TTLL11: variants seen among roughly 807,000 people sequenced by gnomAD.
TTLL11 encodes tubulin polyglutamylase TTLL11.
Under a neutral mutation model 51.7 loss-of-function variants are expected in TTLL11, and 42 were observed. The observed-to-expected ratio is 0.81, with a 90% CI of 0.64 to 1.05. The LOEUF (loss-of-function observed/expected upper bound fraction) is 1.05. TTLL11 is among the 50% of genes least tolerant of loss of function. The pLI, the probability that TTLL11 is intolerant of heterozygous loss-of-function variation, is 0.00. For synonymous variants in TTLL11, 381 were observed against 383.5 expected (o/e 0.99, Z 0.08); for missense variants, 799 against 940.4 (o/e 0.85, Z 1.97).
In TTLL11 at chr9:121,974,077, T is replaced by C; in HGVS notation, c.1413A>G (p.Glu471=). The C allele has an allele frequency of 2.6e-6, 4 of 1,551,760 alleles. No individual in the cohort carries two copies. Among genetic ancestry groups the C allele is most frequent in the Non-Finnish European group, 3.5e-6 (4 of 1,146,988 alleles). The part of the protein sequence containing the change: ...FENVPSLVDE[E]VKVAVIRDTL... ...TGTCTCTGATCACAGCCACTTTCAC[T>C]TCTTCATCAACGAGGCTGGGGACAT... is the stretch of plus-strand genomic sequence containing the variant. The change falls in exon 6 of 9, where the codon GAA becomes GAG. Residue 471 remains glutamate (E), a synonymous_variant. Transcript: ENST00000321582.
chr9:121,869,191 A>G (rs762380791), intron 7 of TTLL11, among the ~76,000 whole-genome samples: 1 of 152,140 alleles, frequency 6.6e-6, no homozygotes, highest in Non-Finnish European at 1.5e-5. Context: ...CAAAATTACT[A>G]CTTCAGGTGT....
intron 8 of TTLL11, among the ~76,000 whole-genome samples, chr9:121,829,816 A>ACACAC (rs1564262504): frequency 2.2e-4 from 33 of 148,338 alleles, no homozygotes; most frequent in African/African-American, 8.3e-4. Flanking sequence ...CACACACACC[A>ACACAC]CACACACACA....
intron 1 of TTLL11, among the ~76,000 whole-genome samples, chr9:122,066,570 C>G (rs537933401): frequency 5.3e-5 from 8 of 152,162 alleles, no homozygotes; most frequent in Non-Finnish European, 1.0e-4. Flanking sequence ...TGCTAAAAAC[C>G]AAGTTTGGGG....
intron 6 of TTLL11, among the ~76,000 whole-genome samples, chr9:121,930,132 T>C (rs1840909759): frequency 6.6e-6 from 1 of 152,244 alleles, no homozygotes; most frequent in Non-Finnish European, 1.5e-5. Flanking sequence ...TTCCACCATC[T>C]GAGGAAACTG....
At chr9:122,024,122 T>C (rs1013788301) in intron 3 of TTLL11, among the ~76,000 whole-genome samples, 7 of 152,030 alleles carry the variant, frequency 4.6e-5, no homozygotes, top group South Asian at 2.1e-4. Flanking sequence ...ACAAGATCAA[T>C]ACACAAAAAG....
At chr9:122,000,923 C>G in intron 3 of TTLL11, among the ~76,000 whole-genome samples, 1 of 152,208 alleles carries the variant, frequency 6.6e-6, no homozygotes. Context: ...TAATACATAA[C>G]AGTAACAACT....
chr9:122,025,575 G>T (rs1844307030), intron 3 of TTLL11, among the ~76,000 whole-genome samples: 1 of 152,086 alleles, frequency 6.6e-6, no homozygotes, highest in Non-Finnish European at 1.5e-5. Context: ...AGCTGTGATC[G>T]GGCCACTGCA....
In TTLL11 at chr9:121,826,043, A is replaced by T. The variant is rs553049234; in HGVS notation, c.1841-3164T>A. ...GATGATGGAGGGGGAGATGCTTTTA[A>T]TTATGAACCCCTTACTACTATTTGA... On this transcript the variant is annotated intron_variant, in intron 8 of 8. Coordinates refer to ENST00000321582, the MANE Select transcript of TTLL11 (RefSeq NM_001139442.2). Among the ~76,000 whole-genome samples, 3 of 150,762 alleles carry T rather than the reference A, an allele frequency of 2.0e-5. No individual in the cohort carries two copies. In the East Asian group the frequency reaches 5.9e-4, roughly 30 times the overall value.
chr9:122,068,371 GTC>G (rs771739694), intron 1 of TTLL11, among the ~76,000 whole-genome samples: 12 of 152,140 alleles, frequency 7.9e-5, no homozygotes, highest in Non-Finnish European at 1.3e-4. Flanking sequence ...GGATGTACTG[GTC>G]TACTATGTAA....
chr9:122,069,638 G>A (rs921047696), intron 1 of TTLL11, among the ~76,000 whole-genome samples: 44 of 152,036 alleles, frequency 2.9e-4, no homozygotes, highest in Admixed American at 2.7e-3. Context: ...GTGGGATCGC[G>A]CCATTGCACT....
intron 1 of TTLL11, among the ~76,000 whole-genome samples, chr9:122,074,968 G>C (rs988630795): frequency 2.0e-5 from 3 of 151,580 alleles, no homozygotes; most frequent in Non-Finnish European, 2.9e-5. Flanking sequence ...TTTGACATTT[G>C]ATAGATGATT....
chr9:121,925,460 G>A (rs570314059), intron 6 of TTLL11, among the ~76,000 whole-genome samples: 3 of 21,074 alleles, frequency 1.4e-4, no homozygotes, highest in African/African-American at 1.9e-4. Flanking sequence ...CCTCCCCTCC[G>A]TTTTCTGGAC....
In TTLL11 at chr9:121,884,572, C is replaced by T. The variant is rs765548866; in HGVS notation, c.1482-13824G>A. 4 of 151,628 alleles carry T rather than the reference C, an allele frequency of 2.6e-5. No individual in the cohort carries two copies. The South Asian group carries it at 8.3e-4, about 32-fold the overall frequency. The allele number at this position is 151,628 out of a possible 1,614,324, so 9.4% of individuals were successfully genotyped here. On this transcript the variant is annotated intron_variant, in intron 6 of 8. Coordinates refer to ENST00000321582, the MANE Select transcript of TTLL11 (RefSeq NM_001139442.2). The stretch of plus-strand genomic sequence containing the variant: ...CTCCACAATGCTCGGGAGAAAAGTA[C>T]AAAAACACCCACTTTTACAAAAAAA...
chr9:121,870,258 A>G (rs1489419860), intron 7 of TTLL11, among the ~76,000 whole-genome samples: 2 of 152,194 alleles, frequency 1.3e-5, no homozygotes, highest in East Asian at 3.8e-4. Flanking sequence ...GTAGGCACAG[A>G]GTTGTTTTTA....
At chr9:121,836,531 C>T (rs892972005) in intron 8 of TTLL11, among the ~76,000 whole-genome samples, 1 of 152,172 alleles carries the variant, frequency 6.6e-6, no homozygotes, top group African/African-American at 2.4e-5. Context: ...CCCGACACCC[C>T]AGTTTAACAC....
At chr9:121,982,104 C>G (rs1342491935) in intron 4 of TTLL11, among the ~76,000 whole-genome samples, 1 of 152,152 alleles carries the variant, frequency 6.6e-6, no homozygotes, top group Non-Finnish European at 1.5e-5. Flanking sequence ...AAACTTCAAT[C>G]TTCAACTCCT....
chr9:122,029,777 C>A (rs1036032002), intron 3 of TTLL11, among the ~76,000 whole-genome samples: 4 of 152,122 alleles, frequency 2.6e-5, no homozygotes, highest in African/African-American at 9.7e-5. Flanking sequence ...ATGTCCTAGG[C>A]CTTCACATTC....
At chr9:121,911,496 T>C (rs1003688257) in intron 6 of TTLL11, among the ~76,000 whole-genome samples, 1 of 152,208 alleles carries the variant, frequency 6.6e-6, no homozygotes, top group Non-Finnish European at 1.5e-5. Context: ...TGTATGTTTA[T>C]TGCAACACTA....
intron 6 of TTLL11, among the ~76,000 whole-genome samples, chr9:121,959,102 G>C (rs1040891325): frequency 6.6e-6 from 1 of 152,186 alleles, no homozygotes; most frequent in Non-Finnish European, 1.5e-5. Context: ...ATGTTTCTGT[G>C]CCCAGCAACT....
Sources: gnomAD v4.1 joint callset for allele counts (sites outside exome capture counted in the v4.1 genomes callset) on GRCh38, gnomAD v4.1.1 for gene constraint, MANE v1.5 for transcripts, NCBI Gene and HGNC (gene_info 2026-07-23, HGNC 2026-07-21) for gene names.